NCK2: variants seen among roughly 807,000 people sequenced by gnomAD.
NCK2 encodes the protein cytoplasmic protein NCK2.
Under a neutral mutation model 33.9 loss-of-function variants are expected in NCK2, and 16 were observed. The observed-to-expected ratio is 0.47, with a 90% CI of 0.32 to 0.72. The LOEUF is 0.72. Ranked by LOEUF, NCK2 falls within the 30% of genes least tolerant of loss-of-function variation. The pLI is 0.03. For missense variants in NCK2, 418 were observed against 537.3 expected, an observed-to-expected ratio of 0.78 and a Z score of 2.19; for synonymous variants, 273 against 239.9, an observed-to-expected ratio of 1.14 and a Z score of -1.27.
intron 4 of NCK2, among the ~76,000 whole-genome samples, chr2:105,883,837 G>A (rs1678608423): frequency 6.6e-6 from 1 of 152,134 alleles, no homozygotes; most frequent in African/African-American, 2.4e-5. Context: ...GGCCTTTCAG[G>A]GTTTTTTGCA....
chr2:105,833,548 ATAT>A (rs1239606269), intron 2 of NCK2, among the ~76,000 whole-genome samples: 8 of 151,820 alleles, frequency 5.3e-5, no homozygotes, highest in Admixed American at 2.6e-4. Flanking sequence ...ATGTCTTCTG[ATAT>A]TATTTATTTG....
At chr2:105,818,801 C>T (rs560830020) in intron 2 of NCK2, among the ~76,000 whole-genome samples, 2 of 152,244 alleles carry the variant, frequency 1.3e-5, no homozygotes, top group Non-Finnish European at 2.9e-5. Context: ...GAAATTTTCT[C>T]CTTTAATATT....
At chr2:105,871,097 G>T (rs1390204703) in intron 3 of NCK2, among the ~76,000 whole-genome samples, 1 of 152,158 alleles carries the variant, frequency 6.6e-6, no homozygotes, top group Non-Finnish European at 1.5e-5. Flanking sequence ...GTCGATGAGT[G>T]CGTGTGAAAT....
intron 3 of NCK2, among the ~76,000 whole-genome samples, chr2:105,873,497 T>TCCACCG (rs1243673219): frequency 6.6e-6 from 1 of 152,116 alleles, no homozygotes; most frequent in Non-Finnish European, 1.5e-5. Flanking sequence ...TGTCTGCTGA[T>TCCACCG]CCACCGCCAC....
At chr2:105,774,673 G>A (rs1415755498) in intron 1 of NCK2, among the ~76,000 whole-genome samples, 5 of 152,022 alleles carry the variant, frequency 3.3e-5, no homozygotes, top group East Asian at 1.9e-4. Flanking sequence ...TCTGTGGTGC[G>A]GTAGGGAGAG....
rs549879576 is a variant in NCK2 at position 105,787,361 on chromosome 2, A to G, written c.-200-29069A>G. On this transcript the variant is annotated intron_variant, in intron 1 of 4. Coordinates refer to ENST00000233154, the MANE Select transcript of NCK2 (RefSeq NM_003581.5). ...TGAAGTTCTAACCCCCAGTGTGACT[A>G]TATTTGGAGATGAGCCCTCTGAGGA... 6.6e-5 allele frequency among the ~76,000 whole-genome samples: 10 copies of G among 152,240 alleles called. No homozygotes were observed. The East Asian group carries it at 1.5e-3, about 24-fold the overall frequency.
intron 4 of NCK2, among the ~76,000 whole-genome samples, chr2:105,884,812 G>A (rs1373630242): frequency 2.6e-5 from 4 of 151,828 alleles, no homozygotes; most frequent in Admixed American, 2.6e-4. Flanking sequence ...CTCCTCCCTC[G>A]CTCTCCTCTC....
At chr2:105,766,937 G>A (rs1387563313) in intron 1 of NCK2, among the ~76,000 whole-genome samples, 1 of 152,220 alleles carries the variant, frequency 6.6e-6, no homozygotes, top group African/African-American at 2.4e-5. Flanking sequence ...TGCAGTGTTG[G>A]TGAAACTCAG....
chr2:105,786,127 A>T (rs1467440523), intron 1 of NCK2, among the ~76,000 whole-genome samples: 1 of 152,166 alleles, frequency 6.6e-6, no homozygotes, highest in African/African-American at 2.4e-5. Context: ...CCAGCCTTTT[A>T]TTGATCATCT....
chr2:105,885,633 G>C (rs779485059), intron 4 of NCK2, among the ~76,000 whole-genome samples: 1 of 151,966 alleles, frequency 6.6e-6, no homozygotes, highest in Non-Finnish European at 1.5e-5. Flanking sequence ...TGGGGCCCAA[G>C]AATTTGCATT....
At chr2:105,862,920 T>G (rs1677598119) in intron 3 of NCK2, among the ~76,000 whole-genome samples, 1 of 152,232 alleles carries the variant, frequency 6.6e-6, no homozygotes, top group African/African-American at 2.4e-5. Context: ...CTGCTGTGCC[T>G]GGGCAGTGCC....
At chr2:105,815,344 C>T (rs1325755594) in intron 1 of NCK2, among the ~76,000 whole-genome samples, 2 of 150,950 alleles carry the variant, frequency 1.3e-5, no homozygotes, top group African/African-American at 5.0e-5. Context: ...GAATTATCTT[C>T]TTATCTTTGA....
chr2:105,859,254 T>G (rs1230376376), intron 3 of NCK2, among the ~76,000 whole-genome samples: 1 of 152,206 alleles, frequency 6.6e-6, no homozygotes, highest in African/African-American at 2.4e-5. Context: ...CAAAGGTTAA[T>G]TCTCTTTTCG....
rs1441622352 is a variant in NCK2, at chr2:105,894,261, G to A, written c.*1085G>A. On this transcript the variant is annotated 3_prime_UTR_variant, in exon 5 of 5. Coordinates refer to ENST00000233154, the MANE Select transcript of NCK2 (RefSeq NM_003581.5). ...TTTTTGGATATTGTAATAAAAAAAAGTATTATGACAAGGCTCTGTGTGTAT... is the reference window on the plus strand; with the variant it reads ...TTTTTGGATATTGTAATAAAAAAAAATATTATGACAAGGCTCTGTGTGTAT... The A allele has an allele frequency of 1.3e-5, 2 of 152,534 alleles. No individual in the cohort carries two copies. The highest frequency in any genetic ancestry group is 1.9e-4 in the East Asian group (1 of 5,190). 9.4% of individuals were successfully genotyped at this position (152,534 alleles called of 1,614,324 possible).
chr2:105,846,921 T>C (rs1225430041), intron 2 of NCK2, among the ~76,000 whole-genome samples: 2 of 152,172 alleles, frequency 1.3e-5, no homozygotes, highest in African/African-American at 4.8e-5. Context: ...GCAACACAAA[T>C]GTCGAGTGAT....
intron 1 of NCK2, among the ~76,000 whole-genome samples, chr2:105,766,588 G>A (rs1312333397): frequency 6.6e-6 from 1 of 152,184 alleles, no homozygotes. Flanking sequence ...CTCCCAAAAT[G>A]TAGGGATTAC....
intron 2 of NCK2, among the ~76,000 whole-genome samples, chr2:105,830,558 CAATA>C (rs148635628): frequency 0.014 from 2,085 of 152,120 alleles, 45 homozygotes; most frequent in African/African-American, 0.047. Flanking sequence ...GCTGTCACAT[CAATA>C]TACTCATTTC....
At chr2:105,778,919 AGCTTTAAGAATAT>A (rs1469783254) in intron 1 of NCK2, among the ~76,000 whole-genome samples, 3 of 151,976 alleles carry the variant, frequency 2.0e-5, no homozygotes, top group Admixed American at 6.5e-5. Context: ...TTTTTTCAAG[AGCTTTAAGAATAT>A]GCTTTAAGAA....
intron 2 of NCK2, among the ~76,000 whole-genome samples, chr2:105,823,327 G>C (rs1051044024): frequency 3.3e-5 from 5 of 151,878 alleles, no homozygotes; most frequent in Non-Finnish European, 7.4e-5. Flanking sequence ...CATTCAAGTT[G>C]GGCGTGTCTG....
Sources: allele counts gnomAD v4.1 joint callset (sites outside exome capture counted in the v4.1 genomes callset), GRCh38; gene constraint gnomAD v4.1.1; transcripts MANE v1.5; gene names NCBI Gene and HGNC (gene_info 2026-07-23, HGNC 2026-07-21).